ODAD4: variants seen among roughly 807,000 people sequenced by gnomAD.
ODAD4 encodes the protein outer dynein arm docking complex subunit 4, also known as outer dynein arm-docking complex subunit 4.
In ODAD4, 49 loss-of-function variants were observed where a neutral mutation model predicts 51.8. That is an observed-to-expected ratio of 0.95 (90% CI 0.75 to 1.20). ODAD4 has a LOEUF of 1.20. Among genes scored for constraint, ODAD4 ranks in the 50% most tolerant of loss-of-function variants. The probability of loss-of-function intolerance (pLI) is 0.00; values close to 1 mark genes in which losing one functional copy is unlikely to be tolerated. For missense variants in ODAD4, 590 were observed against 586.5 expected (o/e 1.01, Z -0.06); for synonymous variants, 235 against 221.3 (o/e 1.06, Z -0.55).
chr17:41,941,271 C>T (rs781986797), intron 7 of ODAD4, among the ~76,000 whole-genome samples: 1 of 152,198 alleles, frequency 6.6e-6, no homozygotes, highest in African/African-American at 2.4e-5. Context: ...ATGCCCTGCT[C>T]AACACAGGTT....
intron 11 of ODAD4, among the ~76,000 whole-genome samples, chr17:41,964,702 G>A (rs1195216419): frequency 1.3e-5 from 2 of 151,904 alleles, no homozygotes; most frequent in African/African-American, 2.4e-5. Flanking sequence ...GCAGTGCAGT[G>A]GCTGGATTTT....
Position 41,965,466 on chromosome 17 carries a change from GA to G in ODAD4, c.2006del (p.Lys669ArgfsTer54). The part of the protein sequence containing the change: ...GETKKTGNEM[E>X]KEYE ...AACGAAAAAAACAGGAAATGAGATG[GA>G]AAAGGAATATGAATGAAGCCATCGG... On this transcript the variant is annotated frameshift_variant, in exon 12 of 12. Transcript: ENST00000377540. LOFTEE classifies it high-confidence loss of function. The G allele has an allele frequency of 1.3e-6, 1 of 772,948 alleles. No individual in the cohort carries two copies. 47.9% of individuals were successfully genotyped at this position (772,948 alleles called of 1,614,324 possible).
intron 1 of ODAD4, among the ~76,000 whole-genome samples, chr17:41,931,712 T>C (rs2144481654): frequency 6.6e-6 from 1 of 152,090 alleles, no homozygotes; most frequent in Middle Eastern, 3.4e-3. Flanking sequence ...TGGCTAATTT[T>C]TGTATTCTTA....
At chr17:41,955,137 C>G (rs2050712069) in intron 9 of ODAD4, 80 bp from the exon 10 acceptor site, 1 of 724,614 alleles carries the variant, frequency 1.4e-6, no homozygotes, top group Non-Finnish European at 2.6e-6. Context: ...CCTGGCAGTG[C>G]TCGAGTAGCC....
At chr17:41,954,210 C>T (rs2050697225) in intron 9 of ODAD4, among the ~76,000 whole-genome samples, 1 of 151,548 alleles carries the variant, frequency 6.6e-6, no homozygotes, top group Non-Finnish European at 1.5e-5. Context: ...TGGTCTCGAA[C>T]TCCTGACCTC....
intron 9 of ODAD4, among the ~76,000 whole-genome samples, chr17:41,950,516 G>A (rs1281666673): frequency 1.3e-5 from 2 of 151,270 alleles, no homozygotes; most frequent in African/African-American, 4.9e-5. Flanking sequence ...CTGAGTAGCT[G>A]GGATTACATG....
intron 1 of ODAD4, among the ~76,000 whole-genome samples, chr17:41,932,452 A>G (rs1473147339): frequency 1.3e-5 from 2 of 152,234 alleles, no homozygotes; most frequent in African/African-American, 2.4e-5. Context: ...TGGCAGAGGA[A>G]GGATTCAAAG....
chr17:41,965,042 G>T lies in ODAD4; in HGVS notation c.1578G>T (p.Arg526Ser), dbSNP rs531121790. ...TAATAACAAGAGAGAAGGACATGAG[G>T]AGAGTGAGAGATGAGCCCGAGAAGG... ...DRIITREKDMRRVRDEPEKVV... is the reference protein window; with the variant it reads ...DRIITREKDMSRVRDEPEKVV... Residue 526 changes from arginine to serine, a missense_variant, in exon 12 of 12, where the codon AGG (arginine) becomes AGT (serine). Physicochemically the swap from Arg to Ser is moderately radical, Grantham distance 110. This residue lies in a region of ODAD4 where 226 missense variants were observed against 162.7 expected (regional missense o/e 1.39). Coordinates refer to ENST00000377540, the MANE Select transcript of ODAD4 (RefSeq NM_031421.5). The T allele has an allele frequency of 1.4e-6, 1 of 738,372 alleles. No homozygotes were observed. Among genetic ancestry groups the T allele is most frequent in the Non-Finnish European group, 2.5e-6 (1 of 396,568 alleles). 45.7% of individuals were successfully genotyped at this position (738,372 alleles called of 1,614,324 possible).
chr17:41,938,819 A>C, intron 6 of ODAD4, 38 bp downstream of exon 6: 1 of 1,603,602 alleles, frequency 6.2e-7, no homozygotes, highest in Non-Finnish European at 8.5e-7. Flanking sequence ...AGGTGCCTCC[A>C]GTGCCTTATC....
At position 41,930,728 on chromosome 17, in the gene ODAD4, C is replaced by G. The variant is rs781813324; in HGVS notation, c.5C>G (p.Ser2Trp). The change falls in exon 1 of 12, where the codon TCG becomes TGG. Residue 2 changes from serine to tryptophan, a missense_variant. By Grantham distance (177) the Ser-to-Trp change is radical (BLOSUM62 -3). Around this residue, in one of 3 missense-constraint regions of ODAD4, gnomAD observed 360 missense variants for 407.5 expected, o/e 0.88. Coordinates refer to ENST00000377540, the MANE Select transcript of ODAD4 (RefSeq NM_031421.5). ...GCGTCTCTAAATCCGGTCACCATGT[C>G]GGACCCCGAAGGCGAGACCTTGCGA... is the stretch of plus-strand genomic sequence containing the variant. M[S>W]DPEGETLRST... 14 of 1,605,170 alleles carry G rather than the reference C, an allele frequency of 8.7e-6. No individual in the cohort carries two copies. The highest frequency in any genetic ancestry group is 1.2e-5 in the Non-Finnish European group (14 of 1,174,258).
chr17:41,963,850 T>A (rs1252036635), intron 11 of ODAD4, among the ~76,000 whole-genome samples: 4 of 149,378 alleles, frequency 2.7e-5, no homozygotes, highest in Non-Finnish European at 4.4e-5. Flanking sequence ...CACTGCAACC[T>A]CCATCTCAGC....
chr17:41,950,385 CT>C (rs1157988532), intron 9 of ODAD4, among the ~76,000 whole-genome samples: 400 of 138,208 alleles, frequency 2.9e-3, no homozygotes, highest in Admixed American at 3.1e-3. Context: ...ATGAGGGAAG[CT>C]TTTTTTTTTT....
chr17:41,936,480 T>A lies in ODAD4; in HGVS notation c.405T>A (p.Ser135=). 7 of 1,613,056 alleles carry A rather than the reference T, an allele frequency of 4.3e-6. No homozygotes were observed. The highest frequency in any genetic ancestry group is 5.9e-6 in the Non-Finnish European group (7 of 1,179,522). Residue 135 remains serine (S), a synonymous_variant, in exon 4 of 12, where the codon TCT becomes TCA. Coordinates refer to ENST00000377540, the MANE Select transcript of ODAD4 (RefSeq NM_031421.5). ...CAGCTTCTTTCCTTGCAGGTCCTTC[T>A]TCCATTAAGCTGGAGAACAAAGGGG... ...EAINNSVGSP[S]SIKLENKGDL... is the part of the protein sequence containing the mutation.
At chr17:41,959,149 T>C (rs1439753631) in intron 10 of ODAD4, among the ~76,000 whole-genome samples, 1 of 152,132 alleles carries the variant, frequency 6.6e-6, no homozygotes, top group Non-Finnish European at 1.5e-5. Flanking sequence ...GGGGAGAAAC[T>C]TGGAGGTGCT....
At chr17:41,963,700 G>A (rs2050836469) in intron 11 of ODAD4, among the ~76,000 whole-genome samples, 1 of 150,370 alleles carries the variant, frequency 6.7e-6, no homozygotes, top group Admixed American at 6.6e-5. Flanking sequence ...ATGCAGTGGT[G>A]CAATCTCAGC....
In ODAD4 at chr17:41,936,513, C is replaced by T. The variant is rs1555637819; in HGVS notation, c.438C>T (p.Ser146=). Residue 146 remains serine (S), a synonymous_variant, in exon 4 of 12, where the codon TCC becomes TCT. Transcript: ENST00000377540. Reference sequence around the variant, plus strand: ...AGCTGGAGAACAAAGGGGACCTCTCCTTCTTAAGCAAGCAGGCTGAGGTAA... The same window carrying T: ...AGCTGGAGAACAAAGGGGACCTCTCTTTCTTAAGCAAGCAGGCTGAGGTAA... ...SIKLENKGDL[S]FLSKQAENIK... The T allele has an allele frequency of 6.2e-7, 1 of 1,610,874 alleles. No individual in the cohort carries two copies. Among genetic ancestry groups the T allele is most frequent in the Non-Finnish European group, 8.5e-7 (1 of 1,179,662 alleles).
At chr17:41,954,690 A>G (rs1394385607) in intron 9 of ODAD4, among the ~76,000 whole-genome samples, 2 of 151,952 alleles carry the variant, frequency 1.3e-5, no homozygotes, top group Non-Finnish European at 2.9e-5. Context: ...ATCTCTACTT[A>G]AAAAACAAAA....
At chr17:41,937,724 G>A (rs1555638042) in intron 5 of ODAD4, among the ~76,000 whole-genome samples, 3 of 151,918 alleles carry the variant, frequency 2.0e-5, no homozygotes, top group South Asian at 4.2e-4. Flanking sequence ...TGCCCACCTC[G>A]GCCTCCCAAA....
intron 9 of ODAD4, among the ~76,000 whole-genome samples, chr17:41,949,928 C>G (rs1386648876): frequency 3.3e-5 from 5 of 151,990 alleles, no homozygotes; most frequent in African/African-American, 1.2e-4. Flanking sequence ...AACGCCTCGG[C>G]CTCCCAAAGT....
Sources: gnomAD v4.1 joint callset for allele counts (sites outside exome capture counted in the v4.1 genomes callset) on GRCh38, gnomAD v4.1.1 for gene constraint, gnomAD v4.1.1 regional missense constraint, MANE v1.5 for transcripts, NCBI Gene and HGNC (gene_info 2026-07-23, HGNC 2026-07-21) for gene names.